Variants in CD93 observed in about 807,000 individuals in gnomAD.
CD93 encodes complement component C1q receptor.
In CD93, 44 loss-of-function variants were observed where a neutral mutation model predicts 45.5. That is an observed-to-expected ratio of 0.97 (90% CI 0.76 to 1.24). CD93 has a LOEUF of 1.24. Ranked by LOEUF, CD93 falls within the 50% of genes most tolerant of loss-of-function variation. The probability of loss-of-function intolerance (pLI) is 0.00; values close to 1 mark genes in which losing one functional copy is unlikely to be tolerated. For missense variants in CD93, 918 were observed against 844.5 expected (o/e 1.09, Z -1.08); for synonymous variants, 431 against 370.8 (o/e 1.16, Z -1.87).
rs1985368550 is a variant in CD93 at position 23,083,061 on chromosome 20, C to CCACAA, written c.*888_*889insTTGTG. 1.3e-5 allele frequency: 2 copies of CCACAA among 152,574 alleles called. No homozygotes were observed. Among genetic ancestry groups the CCACAA allele is most frequent in the Non-Finnish European group, 2.9e-5 (2 of 68,044 alleles). 9.5% of individuals were successfully genotyped at this position (152,574 alleles called of 1,614,324 possible). A position where few individuals can be genotyped will look rare whatever the true frequency, so the allele number is the denominator to read the frequency against. Reference sequence around the variant, plus strand: ...CCACAGGCAGGGTGTCTGAGGCCTGCCCTGGCTCAAAGACAGGTTGTCCTT... The same window carrying CCACAA: ...CCACAGGCAGGGTGTCTGAGGCCTGCCACAACCTGGCTCAAAGACAGGTTGTCCTT... On this transcript the variant is annotated 3_prime_UTR_variant, in exon 2 of 2. Coordinates refer to ENST00000246006, the MANE Select transcript of CD93 (RefSeq NM_012072.4).
In CD93 at chr20:23,086,287, G is replaced by A. The variant is rs1985499854; in HGVS notation, c.-95C>T. The A allele has an allele frequency of 6.4e-6, 9 of 1,405,134 alleles. No individual in the cohort carries two copies. Among genetic ancestry groups the A allele is most frequent in the Non-Finnish European group, 8.4e-6 (9 of 1,070,652 alleles). The allele number at this position is 1,405,134 out of a possible 1,614,324, so 87.0% of individuals were successfully genotyped here. A position where few individuals can be genotyped will look rare whatever the true frequency, so the allele number is the denominator to read the frequency against. On this transcript the variant is annotated 5_prime_UTR_variant, in exon 1 of 2. Transcript: ENST00000246006. ...CCAGCTGGGCCCCAAGGGGAGCTGA[G>A]GGGTGAGCTGCAGCCACTCCGGCGC...
At position 23,084,550 on chromosome 20, in the gene CD93, C is replaced by T. The variant is rs1361973313; in HGVS notation, c.1643G>A (p.Ser548Asn). 1.2e-6 allele frequency: 2 copies of T among 1,612,546 alleles called. No homozygotes were observed. Among genetic ancestry groups the T allele is most frequent in the East Asian group, 4.5e-5 (2 of 44,844 alleles). The change falls in exon 1 of 2, where the codon AGC becomes AAC. Residue 548 changes from serine to asparagine, a missense_variant. Ser to Asn is a conservative substitution (Grantham distance 46, BLOSUM62 1). Coordinates refer to ENST00000246006, the MANE Select transcript of CD93 (RefSeq NM_012072.4). ...AGAGGCAGCTGTGGCGTGATGGATG[C>T]TGGGCTCCCTCCAGACGCCTGGGGA... is the stretch of plus-strand genomic sequence containing the variant. ...SGSPGVWREP[S>N]IHHATAASGP... is the part of the protein sequence containing the mutation.
Position 23,085,994 on chromosome 20 carries a change from C to G in CD93, c.199G>C (p.Glu67Gln). 6.2e-7 allele frequency: 1 copy of G among 1,610,930 alleles called. No individual in the cohort carries two copies. Reference protein sequence around the residue: ...GGNLATVKSKEEAQHVQRVLA... With the variant: ...GGNLATVKSKQEAQHVQRVLA... Reference sequence around the variant, plus strand: ...ACTCGCTGGACGTGCTGGGCCTCCTCCTTGCTCTTCACAGTGGCCAGGTTG... The same window carrying G: ...ACTCGCTGGACGTGCTGGGCCTCCTGCTTGCTCTTCACAGTGGCCAGGTTG... Residue 67 changes from glutamate to glutamine, a missense_variant, in exon 1 of 2, where the codon GAG becomes CAG. Transcript: ENST00000246006.
rs1031201898 is a variant in CD93 at position 23,082,568 on chromosome 20, T to TGTGTGTGTGTGTGTGTGTGA, written c.*1381_*1382insTCACACACACACACACACAC. ...GTGTGTGTGTGTGTGTGTGTGTGTG[T>TGTGTGTGTGTGTGTGTGTGA]GAGAGAGAGAGAGAGAGAGAAAGAG... is the stretch of plus-strand genomic sequence containing the variant. On this transcript the variant is annotated 3_prime_UTR_variant, in exon 2 of 2. Coordinates refer to ENST00000246006, the MANE Select transcript of CD93 (RefSeq NM_012072.4). 6.8e-5 allele frequency: 10 copies of TGTGTGTGTGTGTGTGTGTGA among 146,962 alleles called. No homozygotes were observed. Among genetic ancestry groups the TGTGTGTGTGTGTGTGTGTGA allele is most frequent in the African/African-American group, 2.6e-4 (10 of 38,434 alleles). The allele number at this position is 146,962 out of a possible 1,614,324, so 9.1% of individuals were successfully genotyped here.
chr20:23,084,580 C>A lies in CD93; in HGVS notation c.1613G>T (p.Ser538Ile), dbSNP rs762518879. The change falls in exon 1 of 2, where the codon AGT becomes ATT. Residue 538 changes from serine to isoleucine, a missense_variant. Ser to Ile is a moderately radical substitution (Grantham distance 142). Transcript: ENST00000246006. ...CTCCCTCCAGACGCCTGGGGACCCA[C>A]TGGGGGCCAGCATCTTGAGTGGGGC... ...TSAPLKMLAP[S>I]GSPGVWREPS... 1.2e-6 allele frequency: 2 copies of A among 1,613,382 alleles called. No homozygotes were observed. The highest frequency in any genetic ancestry group is 1.7e-5 in the Admixed American group (1 of 59,978).
Position 23,084,278 on chromosome 20 carries a change from C to T in CD93, c.1915G>A (p.Ala639Thr), listed in dbSNP as rs755804228. The T allele has an allele frequency of 2.5e-6, 4 of 1,613,990 alleles. No homozygotes were observed. The highest frequency in any genetic ancestry group is 2.2e-5 in the East Asian group (1 of 44,878). ...SWVPERAESR[A>T]MENQYSPTPG... is the part of the protein sequence containing the mutation. ...CTTTACCTGTACTGGTTCTCCATGG[C>T]CCTGCTCTCAGCTCGCTCTGGAACC... Residue 639 changes from alanine (A) to threonine (T), a missense_variant, in exon 1 of 2, where the codon GCC becomes ACC. Coordinates refer to ENST00000246006, the MANE Select transcript of CD93 (RefSeq NM_012072.4).
rs1217281221 is a variant in CD93, at chr20:23,082,039, G to A, written c.*1911C>T. The A allele has an allele frequency of 2.0e-5, 3 of 149,504 alleles. No homozygotes were observed. Among genetic ancestry groups the A allele is most frequent in the African/African-American group, 7.3e-5 (3 of 41,258 alleles). The allele number at this position is 149,504 out of a possible 1,614,324, so 9.3% of individuals were successfully genotyped here. A position where few individuals can be genotyped will look rare whatever the true frequency, so the allele number is the denominator to read the frequency against. Reference sequence around the variant, plus strand: ...ACATCACCTAGAGTCTCGTGGCCAAGGAAGTTTTGCCAAATGGACACAGCC... The same window carrying A: ...ACATCACCTAGAGTCTCGTGGCCAAAGAAGTTTTGCCAAATGGACACAGCC... On this transcript the variant is annotated 3_prime_UTR_variant, in exon 2 of 2. Transcript: ENST00000246006.
rs1568678591 is a variant in CD93, at chr20:23,085,466, TCTC to T, written c.724_726del (p.Glu242del). The T allele has an allele frequency of 1.2e-6, 2 of 1,613,772 alleles. No individual in the cohort carries two copies. Among genetic ancestry groups the T allele is most frequent in the Non-Finnish European group, 1.7e-6 (2 of 1,180,034 alleles). ...CCCCAGTCGAACACATCGGGGGCCT[TCTC>T]CTTGCACAGGAAATAATGACTCTGA... On this transcript the variant is annotated inframe_deletion, in exon 1 of 2. Transcript: ENST00000246006.
chr20:23,085,187 G>C lies in CD93; in HGVS notation c.1006C>G (p.Leu336Val). ...YTCRCPQGYQ[L>V]DSSQLDCVDV... Reference sequence around the variant, plus strand: ...ACACAGTCCAGCTGACTCGAGTCCAGCTGGTACCCTTGGGGGCAGCGGCAC... The same window carrying C: ...ACACAGTCCAGCTGACTCGAGTCCACCTGGTACCCTTGGGGGCAGCGGCAC... The change falls in exon 1 of 2, where the codon CTG (leucine) becomes GTG (valine). Residue 336 changes from leucine (L) to valine (V), a missense_variant. By Grantham distance (32) the Leu-to-Val change is conservative (BLOSUM62 1). Transcript: ENST00000246006. 1 of 1,590,352 alleles carries C rather than the reference G, an allele frequency of 6.3e-7. No individual in the cohort carries two copies. Among genetic ancestry groups the C allele is most frequent in the Non-Finnish European group, 8.6e-7 (1 of 1,167,736 alleles).
chr20:23,084,083 G>A, intron 1 of CD93, 109 bp from the exon 2 acceptor site: 1 of 1,457,338 alleles, frequency 6.9e-7, no homozygotes, highest in Non-Finnish European at 9.6e-7. Flanking sequence ...TGGGCAGTAT[G>A]CTCTAAGGGG....
Position 23,085,832 on chromosome 20 carries a change from C to CT in CD93, c.360_361insA (p.Glu121ArgfsTer7). 1.4e-6 allele frequency: 1 copy of CT among 709,564 alleles called. No individual in the cohort carries two copies. The allele number at this position is 709,564 out of a possible 1,614,324, so 44.0% of individuals were successfully genotyped here. A position where few individuals can be genotyped will look rare whatever the true frequency, so the allele number is the denominator to read the frequency against. ...TGCCAGTTAGAGTAAGGCGTGTCCT[C>CT]CCCCCCGCCCACCCAGCTGAAGCCC... On this transcript the variant is annotated frameshift_variant, in exon 1 of 2. Coordinates refer to ENST00000246006, the MANE Select transcript of CD93 (RefSeq NM_012072.4). LOFTEE classifies it high-confidence loss of function.
rs1314389774 is a variant in CD93, at chr20:23,082,535, CTGTGTG to C, written c.*1409_*1414del. The C allele has an allele frequency of 2.0e-5, 1 of 48,826 alleles. No homozygotes were observed. The highest frequency in any genetic ancestry group is 5.5e-5 in the Non-Finnish European group (1 of 18,030). 3.0% of individuals were successfully genotyped at this position (48,826 alleles called of 1,614,324 possible). A position where few individuals can be genotyped will look rare whatever the true frequency, so the allele number is the denominator to read the frequency against. On this transcript the variant is annotated 3_prime_UTR_variant, in exon 2 of 2. Transcript: ENST00000246006. ...CCCCAGGCAGAATGGTGCCGTGTCTCTGTGTGTGTGTGTGTGTGTGTGTGTGTGTGT... is the reference window on the plus strand; with the variant it reads ...CCCCAGGCAGAATGGTGCCGTGTCTCTGTGTGTGTGTGTGTGTGTGTGTGT...
Position 23,082,117 on chromosome 20 carries a change from A to T in CD93, c.*1833T>A, listed in dbSNP as rs2122703585. On this transcript the variant is annotated 3_prime_UTR_variant, in exon 2 of 2. Transcript: ENST00000246006. ...GAGTTCCAACTGAAAACTGGAGACC[A>T]TGAGATGACTTTAAAAAGAAGTTCC... 6.6e-6 allele frequency: 1 copy of T among 152,330 alleles called. No individual in the cohort carries two copies. Among genetic ancestry groups the T allele is most frequent in the East Asian group, 1.9e-4 (1 of 5,184 alleles). The allele number at this position is 152,330 out of a possible 1,614,324, so 9.4% of individuals were successfully genotyped here.
Position 23,085,971 on chromosome 20 carries a change from T to C in CD93, c.222A>G (p.Arg74=). The change falls in exon 1 of 2, where the codon CGA becomes CGG. Residue 74 remains arginine, a synonymous_variant. Coordinates refer to ENST00000246006, the MANE Select transcript of CD93 (RefSeq NM_012072.4). ...KSKEEAQHVQ[R]VLAQLLRREA... The stretch of plus-strand genomic sequence containing the variant: ...CCCGCCTCAGGAGCTGGGCCAGTAC[T>C]CGCTGGACGTGCTGGGCCTCCTCCT... 2 of 1,610,800 alleles carry C rather than the reference T, an allele frequency of 1.2e-6. No homozygotes were observed. Among genetic ancestry groups the C allele is most frequent in the Non-Finnish European group, 1.7e-6 (2 of 1,179,300 alleles).
At position 23,085,179 on chromosome 20, in the gene CD93, C is replaced by T. The variant is rs573564766; in HGVS notation, c.1014G>A (p.Ser338=). 1.3e-5 allele frequency: 21 copies of T among 1,586,432 alleles called. No homozygotes were observed. Among genetic ancestry groups the T allele is most frequent in the East Asian group, 9.0e-5 (4 of 44,680 alleles). ...CRCPQGYQLD[S]SQLDCVDVDE... is the part of the protein sequence containing the mutation. ...CCACGTCCACACAGTCCAGCTGACTCGAGTCCAGCTGGTACCCTTGGGGGC... is the reference window on the plus strand; with the variant it reads ...CCACGTCCACACAGTCCAGCTGACTTGAGTCCAGCTGGTACCCTTGGGGGC... The change falls in exon 1 of 2, where the codon TCG becomes TCA. Residue 338 remains serine, a synonymous_variant. Transcript: ENST00000246006.
rs1985297069 is a variant in CD93, at chr20:23,080,538, G to A, written c.*3412C>T. 6.6e-6 allele frequency: 1 copy of A among 152,252 alleles called. No individual in the cohort carries two copies. Among genetic ancestry groups the A allele is most frequent in the Non-Finnish European group, 1.5e-5 (1 of 68,048 alleles). 9.4% of individuals were successfully genotyped at this position (152,252 alleles called of 1,614,324 possible). ...TGCCTGATCGCAGGGAAGATGGCATGTGGCTGGCCCTTCCTGAAGCCTTGC... is the reference window on the plus strand; with the variant it reads ...TGCCTGATCGCAGGGAAGATGGCATATGGCTGGCCCTTCCTGAAGCCTTGC... On this transcript the variant is annotated 3_prime_UTR_variant, in exon 2 of 2. Coordinates refer to ENST00000246006, the MANE Select transcript of CD93 (RefSeq NM_012072.4).
Position 23,079,599 on chromosome 20 carries a change from ATACT to A in CD93, c.*4347_*4350del, listed in dbSNP as rs764420561. ...AAATTTGAAATACACACATTTAAAAATACTTACATTCTCATTTAGCATTCATGAA... is the reference window on the plus strand; with the variant it reads ...AAATTTGAAATACACACATTTAAAAATACATTCTCATTTAGCATTCATGAA... On this transcript the variant is annotated 3_prime_UTR_variant, in exon 2 of 2. Transcript: ENST00000246006. 1 of 152,256 alleles carries A rather than the reference ATACT, an allele frequency of 6.6e-6. No individual in the cohort carries two copies. The highest frequency in any genetic ancestry group is 1.5e-5 in the Non-Finnish European group (1 of 68,052). 9.4% of individuals were successfully genotyped at this position (152,256 alleles called of 1,614,324 possible).
Position 23,085,905 on chromosome 20 carries a change from C to T in CD93, c.288G>A (p.Gly96=), listed in dbSNP as rs117528062. 1,359 of 1,543,970 alleles carry T rather than the reference C, an allele frequency of 8.8e-4. 16 individuals are homozygous for T. The African/African-American group carries it at 0.016, about 19-fold the overall frequency. The change falls in exon 1 of 2, where the codon GGG becomes GGA. Residue 96 remains glycine, a synonymous_variant. Transcript: ENST00000246006. ...LTARMSKFWI[G]LQREKGKCLD... ...GGCACTTGCCCTTCTCTCGCTGGAGCCCAATCCAGAACTTGCTCATCCTCG... is the reference window on the plus strand; with the variant it reads ...GGCACTTGCCCTTCTCTCGCTGGAGTCCAATCCAGAACTTGCTCATCCTCG...
rs1321638941 is a variant in CD93, at chr20:23,081,972, G to A, written c.*1978C>T. 6.6e-6 allele frequency: 1 copy of A among 152,216 alleles called. No individual in the cohort carries two copies. Among genetic ancestry groups the A allele is most frequent in the Non-Finnish European group, 1.5e-5 (1 of 68,040 alleles). 9.4% of individuals were successfully genotyped at this position (152,216 alleles called of 1,614,324 possible). A position where few individuals can be genotyped will look rare whatever the true frequency, so the allele number is the denominator to read the frequency against. ...GTCTTTAGAATCCTCTGAATGGCCA[G>A]ACAGATGGCTGCTCTCCACACCACA... On this transcript the variant is annotated 3_prime_UTR_variant, in exon 2 of 2. Coordinates refer to ENST00000246006, the MANE Select transcript of CD93 (RefSeq NM_012072.4).
Sources: allele counts gnomAD v4.1 joint callset, GRCh38; gene constraint gnomAD v4.1.1; transcripts MANE v1.5; gene names NCBI Gene and HGNC (gene_info 2026-07-23, HGNC 2026-07-21).